Variants in THOC2 observed in about 807,000 individuals in gnomAD.
THOC2 encodes the protein THO complex subunit 2, also known as THO complex 2.
A neutral mutation model predicts 128.4 loss-of-function variants in THOC2; 10 were observed. The observed-to-expected ratio is 0.08, with a 90% confidence interval of 0.05 to 0.13. The LOEUF (loss-of-function observed/expected upper bound fraction) is 0.13, where lower values mean the gene tolerates loss of function less well. THOC2 is among the 10% of genes least tolerant of loss of function. The pLI is 1.00. For missense variants in THOC2, 535 were observed against 1,155.7 expected (o/e 0.46, Z 7.79); for synonymous variants, 393 against 396.9 (o/e 0.99, Z 0.12).
intron 8 of THOC2, among the ~76,000 whole-genome samples, chrX:123,680,155 T>C (rs1157679643): frequency 9.1e-6 from 1 of 109,823 alleles, no homozygotes; most frequent in Non-Finnish European, 1.9e-5. Context: ...GAGGAAGGCA[T>C]CTGTCTCCTG....
At chrX:123,628,001 T>C (rs750910474) in intron 22 of THOC2, 33 bp from the exon 23 acceptor site, 1 of 1,051,152 alleles carries the variant, frequency 9.5e-7, no homozygotes, top group Non-Finnish European at 1.3e-6. Context: ...CATACATACA[T>C]ACACACACAA....
In THOC2 at chrX:123,645,520, C is replaced by T. The variant is rs1467489132; in HGVS notation, c.1387-145G>A. On this transcript the variant is annotated intron_variant, in intron 12 of 38. Transcript: ENST00000245838. ...ACAAATATGTAGATTTTAAATATAG[C>T]CTGTTAACCTTTTTAAATTTTATCT... The T allele has an allele frequency of 1.4e-4, 47 of 346,785 alleles. No individual in the cohort carries two copies. The East Asian group carries it at 2.2e-3, about 16-fold the overall frequency. 28.6% of individuals were successfully genotyped at this position (346,785 alleles called of 1,213,427 possible).
At chrX:123,711,188 T>A (rs770996506) in intron 2 of THOC2, among the ~76,000 whole-genome samples, 25 of 102,500 alleles carry the variant, frequency 2.4e-4, no homozygotes, top group African/African-American at 8.6e-4. Context: ...GCAGCTAATT[T>A]TTTTTTGTTT....
At chrX:123,697,547 A>G in intron 5 of THOC2, 134 bp downstream of exon 5, 1 of 430,882 alleles carries the variant, frequency 2.3e-6, no homozygotes, top group Non-Finnish European at 4.0e-6. Context: ...AAAACATTCC[A>G]TTTCAAAACC....
chrX:123,629,622 T>G (rs924144974), intron 22 of THOC2, among the ~76,000 whole-genome samples: 4 of 111,369 alleles, frequency 3.6e-5, no homozygotes, highest in African/African-American at 1.3e-4. Context: ...ATCCCCATTT[T>G]AGAGAGCATG....
intron 1 of THOC2, among the ~76,000 whole-genome samples, chrX:123,731,392 G>GC (rs2052246702): frequency 8.9e-6 from 1 of 111,748 alleles, no homozygotes; most frequent in Non-Finnish European, 1.9e-5. Flanking sequence ...TCATTACAGT[G>GC]CAAGAATAAA....
intron 1 of THOC2, among the ~76,000 whole-genome samples, chrX:123,731,471 G>T (rs1174811233): frequency 8.9e-6 from 1 of 112,062 alleles, no homozygotes; most frequent in East Asian, 2.8e-4. Flanking sequence ...TGCATGAGCT[G>T]TCCTGAGAAG....
chrX:123,723,986 G>GCTCT (rs1250476172), intron 1 of THOC2, among the ~76,000 whole-genome samples: 8 of 111,397 alleles, frequency 7.2e-5, no homozygotes, highest in Non-Finnish European at 1.5e-4. Flanking sequence ...GAGGTTTCAT[G>GCTCT]ACTTCTCTGT....
chrX:123,681,990 C>T (rs2049804594), intron 8 of THOC2, among the ~76,000 whole-genome samples: 1 of 111,343 alleles, frequency 9.0e-6, no homozygotes, highest in Non-Finnish European at 1.9e-5. Flanking sequence ...ACCCAGGAGG[C>T]AGAGGTTGCG....
intron 38 of THOC2, among the ~76,000 whole-genome samples, chrX:123,604,354 G>T (rs1603212925): frequency 9.0e-6 from 1 of 110,618 alleles, no homozygotes; most frequent in East Asian, 2.8e-4. Context: ...TAATTATCTG[G>T]ACCTCCTGAG....
At chrX:123,618,235 C>T in intron 33 of THOC2, among the ~76,000 whole-genome samples, 1 of 111,444 alleles carries the variant, frequency 9.0e-6, no homozygotes, top group East Asian at 2.8e-4. Flanking sequence ...TCTTCAATAG[C>T]GTATTACAGA....
At position 123,634,744 on chromosome X, in the gene THOC2, T is replaced by C. The variant is rs2047610121; in HGVS notation, c.2019-674A>G. Among the ~76,000 whole-genome samples the C allele has an allele frequency of 2.7e-5, 3 of 111,434 alleles. No homozygotes were observed. The Admixed American group carries it at 2.9e-4, about 11-fold the overall frequency. ...GGGACAAAGATGTAGCATGGTCACA[T>C]ACACTTGGAAGCGAGGCAGGGAAGG... On this transcript the variant is annotated intron_variant, in intron 19 of 38. Coordinates refer to ENST00000245838, the MANE Select transcript of THOC2 (RefSeq NM_001081550.2).
intron 1 of THOC2, among the ~76,000 whole-genome samples, chrX:123,725,018 C>G (rs1191165393): frequency 9.0e-6 from 1 of 111,619 alleles, no homozygotes; most frequent in Non-Finnish European, 1.9e-5. Flanking sequence ...GTTGAGACTG[C>G]AGTGAGCCAA....
intron 12 of THOC2, among the ~76,000 whole-genome samples, chrX:123,664,483 T>C (rs1182734911): frequency 8.9e-6 from 1 of 112,072 alleles, no homozygotes; most frequent in Non-Finnish European, 1.9e-5. Context: ...ATCCAGAATC[T>C]ACAAAGAACT....
intron 22 of THOC2, 114 bp downstream of exon 22, chrX:123,631,574 T>C: frequency 5.1e-6 from 4 of 788,743 alleles, no homozygotes; most frequent in Non-Finnish European, 7.4e-6. Flanking sequence ...GAAGGGATCC[T>C]AGTTTAGGGC....
At chrX:123,725,371 C>G (rs1234445733) in intron 1 of THOC2, among the ~76,000 whole-genome samples, 2 of 99,636 alleles carry the variant, frequency 2.0e-5, no homozygotes, top group African/African-American at 7.5e-5. Context: ...ATCACTTGAG[C>G]ACAGGAGTAC....
At position 123,712,794 on chromosome X, in the gene THOC2, GCAGA is replaced by G. The variant is rs772830967; in HGVS notation, c.130+52_130+55del. 96 of 792,643 alleles carry G rather than the reference GCAGA, an allele frequency of 1.2e-4. 1 individual carries two copies. In the East Asian group the frequency reaches 2.4e-3, roughly 20 times the overall value. 65.3% of individuals were successfully genotyped at this position (792,643 alleles called of 1,213,427 possible). A position where few individuals can be genotyped will look rare whatever the true frequency, so the allele number is the denominator to read the frequency against. On this transcript the variant is annotated intron_variant, in intron 2 of 38. Coordinates refer to ENST00000245838, the MANE Select transcript of THOC2 (RefSeq NM_001081550.2). ...TTTCATACCTAACAATGAATAGAAAGCAGACAGTTACTAATTTTAATCAAGAAAT... is the reference window on the plus strand; with the variant it reads ...TTTCATACCTAACAATGAATAGAAAGCAGTTACTAATTTTAATCAAGAAAT...
intron 7 of THOC2, among the ~76,000 whole-genome samples, chrX:123,694,511 G>A (rs1422425581): frequency 3.6e-5 from 4 of 110,198 alleles, no homozygotes; most frequent in African/African-American, 1.3e-4. Flanking sequence ...AGGAGGCTGA[G>A]GCAGGAGAAC....
intron 38 of THOC2, chrX:123,603,875 C>G (rs1000948613): frequency 5.3e-5 from 8 of 150,062 alleles, no homozygotes; most frequent in African/African-American, 2.5e-4. Context: ...AACTTGAAAA[C>G]TGCCCCCAAG....
Sources: allele counts gnomAD v4.1 joint callset (sites outside exome capture counted in the v4.1 genomes callset), GRCh38; gene constraint gnomAD v4.1.1; transcripts MANE v1.5; gene names NCBI Gene and HGNC (gene_info 2026-07-23, HGNC 2026-07-21).